Variants in MIPOL1 observed in about 807,000 individuals in gnomAD.
The protein encoded by MIPOL1 is mirror-image polydactyly 1.
In MIPOL1, 57 loss-of-function variants were observed where a neutral mutation model predicts 60.9. The ratio of observed to expected loss-of-function variants is 0.94; its 90% confidence interval spans 0.76 to 1.17. MIPOL1 has a LOEUF of 1.17. MIPOL1 is among the 50% of genes most tolerant of loss of function. MIPOL1 has a pLI of 0.00. For missense variants in MIPOL1, 551 were observed against 511.6 expected, an observed-to-expected ratio of 1.08 and a Z score of -0.74; for synonymous variants, 179 against 168.8, an observed-to-expected ratio of 1.06 and a Z score of -0.47.
chr14:37,280,124 CT>C (rs1173462078), intron 6 of MIPOL1, among the ~76,000 whole-genome samples: 1 of 152,168 alleles, frequency 6.6e-6, no homozygotes, highest in South Asian at 2.1e-4. Context: ...AATATCCCTT[CT>C]TTTTTTCAGC....
chr14:37,296,759 A>G (rs180846776), intron 7 of MIPOL1, among the ~76,000 whole-genome samples: 1 of 152,350 alleles, frequency 6.6e-6, no homozygotes, highest in Non-Finnish European at 1.5e-5. Context: ...AACCAGGTAG[A>G]ATTTGAATCT....
At chr14:37,330,498 AAC>A (rs1276080677) in intron 9 of MIPOL1, among the ~76,000 whole-genome samples, 7 of 152,126 alleles carry the variant, frequency 4.6e-5, no homozygotes, top group Non-Finnish European at 8.8e-5. Flanking sequence ...CCATATAATT[AAC>A]AGTCCTCAAT....
At chr14:37,296,438 AAG>A (rs2085691480) in intron 7 of MIPOL1, among the ~76,000 whole-genome samples, 1 of 152,228 alleles carries the variant, frequency 6.6e-6, no homozygotes, top group South Asian at 2.1e-4. Context: ...AGCATAAGGC[AAG>A]AAATAACTAA....
In MIPOL1 at chr14:37,480,585, C is replaced by T. The variant is rs537259591; in HGVS notation, c.1032-19323C>T. ...AATAAAATAAAGGCCATATGAGAAG[C>T]CCACAGCTAACATTACACTCAGCTG... On this transcript the variant is annotated intron_variant, in intron 11 of 12. Coordinates refer to ENST00000684589, the MANE Select transcript of MIPOL1 (RefSeq NM_001388067.1). Among the ~76,000 whole-genome samples, 6 of 151,856 alleles carry T rather than the reference C, an allele frequency of 4.0e-5. No individual in the cohort carries two copies. In the South Asian group the frequency reaches 8.3e-4, roughly 21 times the overall value.
At chr14:37,423,622 C>A (rs979692917) in intron 11 of MIPOL1, 2 of 151,818 alleles carry the variant, frequency 1.3e-5, no homozygotes, top group African/African-American at 4.8e-5. Flanking sequence ...AAAAACACAC[C>A]GATGCACAAT....
intron 11 of MIPOL1, among the ~76,000 whole-genome samples, chr14:37,498,929 C>T (rs2095172924): frequency 6.6e-6 from 1 of 152,118 alleles, no homozygotes; most frequent in Non-Finnish European, 1.5e-5. Context: ...AGTTCACTAA[C>T]TAGCTTTTTG....
chr14:37,208,764 T>A (rs1966505382), intron 1 of MIPOL1, among the ~76,000 whole-genome samples: 1 of 152,138 alleles, frequency 6.6e-6, no homozygotes, highest in African/African-American at 2.4e-5. Context: ...CGGCTAATTT[T>A]TGTATTAGTA....
chr14:37,435,087 T>C (rs961676395), intron 11 of MIPOL1, among the ~76,000 whole-genome samples: 2 of 152,126 alleles, frequency 1.3e-5, no homozygotes, highest in African/African-American at 4.8e-5. Flanking sequence ...TCCTCAACCC[T>C]GTAGGTATTT....
chr14:37,260,367 TA>T (rs1344807265), intron 3 of MIPOL1, among the ~76,000 whole-genome samples: 1 of 152,070 alleles, frequency 6.6e-6, no homozygotes, highest in African/African-American at 2.4e-5. Context: ...ATGAGTATAT[TA>T]GGGAGCTTAC....
At chr14:37,263,374 A>G (rs2082646120) in intron 3 of MIPOL1, among the ~76,000 whole-genome samples, 1 of 152,234 alleles carries the variant, frequency 6.6e-6, no homozygotes, top group Non-Finnish European at 1.5e-5. Context: ...CTATGCCTAG[A>G]TGAATAAACT....
chr14:37,360,172 A>C (rs2092140876), intron 9 of MIPOL1, among the ~76,000 whole-genome samples: 1 of 151,478 alleles, frequency 6.6e-6, no homozygotes, highest in Admixed American at 6.6e-5. Context: ...GATGAAGCCG[A>C]CTTGATCTTG....
chr14:37,349,091 C>G (rs1006285852), intron 9 of MIPOL1, among the ~76,000 whole-genome samples: 1 of 145,072 alleles, frequency 6.9e-6, no homozygotes, highest in African/African-American at 2.5e-5. Context: ...CAGGTTCAAG[C>G]GATTCTCCTG....
intron 12 of MIPOL1, among the ~76,000 whole-genome samples, chr14:37,529,983 G>C (rs746042291): frequency 6.6e-6 from 1 of 152,174 alleles, no homozygotes; most frequent in Non-Finnish European, 1.5e-5. Context: ...CATTTTAGGA[G>C]CATCAATCTC....
intron 12 of MIPOL1, among the ~76,000 whole-genome samples, chr14:37,544,666 G>A (rs760252089): frequency 6.6e-6 from 1 of 152,188 alleles, no homozygotes; most frequent in Non-Finnish European, 1.5e-5. Flanking sequence ...GAAGGAATAG[G>A]TGCTTCATTG....
At chr14:37,479,094 TC>T (rs2094822046) in intron 11 of MIPOL1, among the ~76,000 whole-genome samples, 1 of 152,126 alleles carries the variant, frequency 6.6e-6, no homozygotes, top group Non-Finnish European at 1.5e-5. Context: ...TTTTTTTGTT[TC>T]CAGTGGGGTT....
At chr14:37,242,495 A>C (rs1972511271) in intron 1 of MIPOL1, among the ~76,000 whole-genome samples, 1 of 152,190 alleles carries the variant, frequency 6.6e-6, no homozygotes. Flanking sequence ...TGTCTGGCTC[A>C]TAGTATACAC....
At chr14:37,359,382 G>T (rs2092078711) in intron 9 of MIPOL1, among the ~76,000 whole-genome samples, 1 of 152,166 alleles carries the variant, frequency 6.6e-6, no homozygotes, top group African/African-American at 2.4e-5. Context: ...AAAGTCAGTG[G>T]TAGCTTGATG....
intron 11 of MIPOL1, among the ~76,000 whole-genome samples, chr14:37,495,598 C>G (rs888993208): frequency 4.2e-5 from 6 of 144,206 alleles, no homozygotes; most frequent in African/African-American, 1.6e-4. Flanking sequence ...CATACGTGTG[C>G]ATGTGTCTTT....
chr14:37,361,124 A>G (rs181697299), intron 9 of MIPOL1, among the ~76,000 whole-genome samples: 3 of 152,204 alleles, frequency 2.0e-5, no homozygotes, highest in Admixed American at 6.5e-5. Flanking sequence ...GTAGTTGTGC[A>G]GTTTTGAGTG....
Sources: gnomAD v4.1 joint callset for allele counts (sites outside exome capture counted in the v4.1 genomes callset) on GRCh38, gnomAD v4.1.1 for gene constraint, MANE v1.5 for transcripts, NCBI Gene and HGNC (gene_info 2026-07-23, HGNC 2026-07-21) for gene names.